Variants in SLC35E4 observed in about 807,000 individuals in gnomAD.
SLC35E4 encodes solute carrier family 35 member E4.
Under a neutral mutation model 19.3 loss-of-function variants are expected in SLC35E4, and 15 were observed. The observed-to-expected ratio is 0.78, with a 90% CI of 0.52 to 1.20. The LOEUF (loss-of-function observed/expected upper bound fraction) is 1.20, where lower values mean the gene tolerates loss of function less well. SLC35E4 is among the 50% of genes most tolerant of loss of function. SLC35E4 has a pLI of 0.00. For missense variants in SLC35E4, 406 were observed against 472.3 expected (o/e 0.86, Z 1.30); for synonymous variants, 219 against 219.9 (o/e 1.00, Z 0.04).
chr22:30,646,650 C>T lies in SLC35E4; in HGVS notation c.672C>T (p.Thr224=). 2 of 1,612,104 alleles carry T rather than the reference C, an allele frequency of 1.2e-6. No individual in the cohort carries two copies. Among genetic ancestry groups the T allele is most frequent in the African/African-American group, 2.7e-5 (2 of 75,028 alleles). Reference sequence around the variant, plus strand: ...ACGCGGTGACCCTGCTTTACGCCACCTCGCTGCCCAGCTTCTGCCTGCTGG... The same window carrying T: ...ACGCGGTGACCCTGCTTTACGCCACTTCGCTGCCCAGCTTCTGCCTGCTGG... The part of the protein sequence containing the change: ...RLDAVTLLYA[T]SLPSFCLLAG... The change falls in exon 2 of 2, where the codon ACC becomes ACT. Residue 224 remains threonine (T), a synonymous_variant. Transcript: ENST00000343605.
chr22:30,644,850 G>A (rs2088102076), intron 1 of SLC35E4, among the ~76,000 whole-genome samples: 1 of 152,146 alleles, frequency 6.6e-6, no homozygotes, highest in Non-Finnish European at 1.5e-5. Flanking sequence ...GTGGTGGCAT[G>A]TGTACACGTA....
chr22:30,664,353 T>TCC (rs1413083341), downstream of SLC35E4, among the ~76,000 whole-genome samples: 1 of 152,190 alleles, frequency 6.6e-6, no homozygotes, highest in Non-Finnish European at 1.5e-5. Context: ...AAATGGCAAG[T>TCC]CCCCAAGTCT....
At chr22:30,668,605 C>T (rs914312761) in exon 3 of SLC35E4, 28 of 152,442 alleles carry the variant, frequency 1.8e-4, no homozygotes, top group African/African-American at 6.0e-4. Flanking sequence ...GGTCCCAGCG[C>T]CCTAGGTGGT....
downstream of SLC35E4, chr22:30,649,296 C>T (rs1602082409): frequency 2.8e-6 from 2 of 713,130 alleles, no homozygotes; most frequent in Admixed American, 2.0e-5. Context: ...GGGGTATTCA[C>T]CCAACCTTTC....
downstream of SLC35E4, among the ~76,000 whole-genome samples, chr22:30,650,820 C>T (rs1390152045): frequency 3.3e-5 from 5 of 152,156 alleles, no homozygotes; most frequent in Non-Finnish European, 7.4e-5. Flanking sequence ...AGCATAGCAG[C>T]GTGGATGCCA....
intron 2 of SLC35E4, among the ~76,000 whole-genome samples, chr22:30,652,961 A>C (rs992435356): frequency 1.3e-5 from 2 of 152,194 alleles, no homozygotes; most frequent in Non-Finnish European, 2.9e-5. Flanking sequence ...ATATCAGTGA[A>C]TATCTATTGA....
intron 1 of SLC35E4, among the ~76,000 whole-genome samples, chr22:30,638,090 G>A (rs1408825740): frequency 2.0e-5 from 3 of 152,154 alleles, no homozygotes; most frequent in Non-Finnish European, 4.4e-5. Context: ...GACAGGCTGG[G>A]CATGGTATCT....
chr22:30,637,047 C>A lies in SLC35E4; in HGVS notation c.597C>A (p.Arg199=). Residue 199 remains arginine (R), a synonymous_variant, in exon 1 of 2, where the codon CGC becomes CGA. Coordinates refer to ENST00000343605, the MANE Select transcript of SLC35E4 (RefSeq NM_001001479.4). ...TCCTGCTCGCAGCCACCTGCCTCCGCGGACTCAAGTCGGTTCAGCAAAGTA... is the reference window on the plus strand; with the variant it reads ...TCCTGCTCGCAGCCACCTGCCTCCGAGGACTCAAGTCGGTTCAGCAAAGTA... ...CGFLLAATCL[R]GLKSVQQSAL... The A allele has an allele frequency of 6.3e-7, 1 of 1,579,748 alleles. No homozygotes were observed. Among genetic ancestry groups the A allele is most frequent in the South Asian group, 1.1e-5 (1 of 87,542 alleles).
At chr22:30,654,443 G>A (rs1210764520) in intron 2 of SLC35E4, 21 of 442,648 alleles carry the variant, frequency 4.7e-5, no homozygotes, top group South Asian at 3.4e-4. Flanking sequence ...ACAACCTGGA[G>A]GGCAGCAGGA....
downstream of SLC35E4, chr22:30,667,962 A>C (rs1200306240): frequency 1.3e-5 from 2 of 152,676 alleles, no homozygotes; most frequent in Non-Finnish European, 2.9e-5. Context: ...GGTTCCGCCC[A>C]GGGACTAACT....
intron 2 of SLC35E4, chr22:30,654,588 G>C: frequency 2.2e-6 from 1 of 460,922 alleles, no homozygotes; most frequent in Non-Finnish European, 4.3e-6. Context: ...CTGGGGACCC[G>C]GAAGTGGTGG....
chr22:30,639,894 G>A (rs962115261), intron 1 of SLC35E4, among the ~76,000 whole-genome samples: 1 of 152,140 alleles, frequency 6.6e-6, no homozygotes, highest in Non-Finnish European at 1.5e-5. Context: ...CTCAGCTTAC[G>A]AAGATGATGG....
At chr22:30,649,940 C>G (rs2088182860), downstream of SLC35E4, among the ~76,000 whole-genome samples, 6 of 149,250 alleles carry the variant, frequency 4.0e-5, 1 homozygote, top group African/African-American at 1.5e-4. Flanking sequence ...GATTCAGGAC[C>G]ATTAGACATT....
downstream of SLC35E4, chr22:30,666,821 G>C (rs565421343): frequency 1.3e-5 from 2 of 152,166 alleles, no homozygotes; most frequent in Non-Finnish European, 2.9e-5. Flanking sequence ...AAAGGATGTT[G>C]TGAAATTAAA....
chr22:30,641,209 C>T (rs916113923), intron 1 of SLC35E4, among the ~76,000 whole-genome samples: 4 of 152,230 alleles, frequency 2.6e-5, no homozygotes, highest in Admixed American at 2.6e-4. Context: ...CCCAGGCAGC[C>T]CCAGCCTGCA....
At chr22:30,656,572 G>T (rs959108314) in intron 2 of SLC35E4, among the ~76,000 whole-genome samples, 4 of 152,316 alleles carry the variant, frequency 2.6e-5, no homozygotes, top group Admixed American at 2.6e-4. Flanking sequence ...CCTGTTCTAA[G>T]CCAGGCTGGT....
At position 30,636,972 on chromosome 22, in the gene SLC35E4, C is replaced by A. The variant is rs1419786180; in HGVS notation, c.522C>A (p.Ala174=). The change falls in exon 1 of 2, where the codon GCC becomes GCA. Residue 174 remains alanine, a synonymous_variant. Coordinates refer to ENST00000343605, the MANE Select transcript of SLC35E4 (RefSeq NM_001001479.4). Reference sequence around the variant, plus strand: ...CCATGGGTCCGCTCTGCCTGGGGGCCGCCTGCAGCCTGGCTGGAGAGTTCC... The same window carrying A: ...CCATGGGTCCGCTCTGCCTGGGGGCAGCCTGCAGCCTGGCTGGAGAGTTCC... ...LAAMGPLCLG[A]ACSLAGEFRT... 5 of 1,612,066 alleles carry A rather than the reference C, an allele frequency of 3.1e-6. No individual in the cohort carries two copies. Among genetic ancestry groups the A allele is most frequent in the Non-Finnish European group, 4.2e-6 (5 of 1,179,250 alleles).
chr22:30,663,623 C>T (rs745644005), downstream of SLC35E4: 39 of 1,614,118 alleles, frequency 2.4e-5, no homozygotes, highest in Non-Finnish European at 3.1e-5. Context: ...GGGCGTCCAG[C>T]AGGGACATGG....
chr22:30,651,915 T>G (rs1315869793), downstream of SLC35E4: 1 of 152,174 alleles, frequency 6.6e-6, no homozygotes, highest in East Asian at 1.9e-4. Context: ...TGAGCTTCAG[T>G]CATCTGAAAG....
Sources: gnomAD v4.1 joint callset for allele counts (sites outside exome capture counted in the v4.1 genomes callset) on GRCh38, gnomAD v4.1.1 for gene constraint, MANE v1.5 for transcripts, NCBI Gene and HGNC (gene_info 2026-07-23, HGNC 2026-07-21) for gene names.